The following CSGALNACT1 variants were observed in gnomAD, a reference collection of about 807,000 sequenced individuals.
CSGALNACT1 encodes chondroitin sulfate N-acetylgalactosaminyltransferase 1, also known as beta4GalNAcT-1.
CSGALNACT1 carries 52 observed loss-of-function variants against 51.0 expected under a neutral mutation model. The ratio of observed to expected loss-of-function variants is 1.02; its 90% CI spans 0.82 to 1.29. CSGALNACT1 has a LOEUF of 1.29. Among genes scored for constraint, CSGALNACT1 ranks in the 50% most tolerant of loss-of-function variants. The probability of loss-of-function intolerance (pLI) is 0.00; values close to 1 mark genes in which losing one functional copy is unlikely to be tolerated. For missense variants in CSGALNACT1, 935 were observed against 679.2 expected (o/e 1.38, Z -4.19); for synonymous variants, 341 against 254.4 (o/e 1.34, Z -3.24).
chr8:19,715,607 T>C (rs2062760201), intron 1 of CSGALNACT1, among the ~76,000 whole-genome samples: 1 of 152,250 alleles, frequency 6.6e-6, no homozygotes, highest in South Asian at 2.1e-4. Context: ...CATGTGTCTC[T>C]ATAATAGAAC....
At chr8:19,457,298 C>T (rs2064310293) in intron 5 of CSGALNACT1, among the ~76,000 whole-genome samples, 1 of 152,192 alleles carries the variant, frequency 6.6e-6, no homozygotes, top group African/African-American at 2.4e-5. Context: ...TTATGCCTTT[C>T]AATAATGTAA....
intron 6 of CSGALNACT1, among the ~76,000 whole-genome samples, chr8:19,428,001 C>T (rs1354910797): frequency 6.6e-6 from 1 of 152,100 alleles, no homozygotes; most frequent in African/African-American, 2.4e-5. Flanking sequence ...TGGGCAGAGG[C>T]TCAAGGTTGC....
At chr8:19,464,266 C>G (rs1348080542) in intron 4 of CSGALNACT1, among the ~76,000 whole-genome samples, 1 of 152,178 alleles carries the variant, frequency 6.6e-6, no homozygotes, top group Non-Finnish European at 1.5e-5. Flanking sequence ...AACCCACATC[C>G]TGGCCTCTGG....
chr8:19,748,818 A>C (rs1279455222), intron 1 of CSGALNACT1, among the ~76,000 whole-genome samples: 1 of 152,084 alleles, frequency 6.6e-6, no homozygotes, highest in Non-Finnish European at 1.5e-5. Context: ...TACAAAAATT[A>C]GCCGGGTGTG....
intron 4 of CSGALNACT1, among the ~76,000 whole-genome samples, chr8:19,483,062 C>T (rs562481270): frequency 6.6e-6 from 1 of 152,130 alleles, no homozygotes; most frequent in African/African-American, 2.4e-5. Context: ...GATCAATTAC[C>T]AAGCCCCATG....
intron 6 of CSGALNACT1, among the ~76,000 whole-genome samples, chr8:19,437,321 C>T (rs766277433): frequency 2.0e-5 from 3 of 152,154 alleles, no homozygotes; most frequent in African/African-American, 4.8e-5. Flanking sequence ...AGATCAAATT[C>T]TGCTCCCAGT....
At chr8:19,464,225 T>C (rs1160252330) in intron 4 of CSGALNACT1, among the ~76,000 whole-genome samples, 4 of 152,056 alleles carry the variant, frequency 2.6e-5, no homozygotes, top group Non-Finnish European at 5.9e-5. Context: ...GGAGCCAAGG[T>C]CTCCCAGCTG....
chr8:19,471,000 G>T (rs2068016741), intron 4 of CSGALNACT1, among the ~76,000 whole-genome samples: 1 of 152,024 alleles, frequency 6.6e-6, no homozygotes, highest in Admixed American at 6.6e-5. Flanking sequence ...GGAGGCTGAG[G>T]CACGAGAGTC....
At chr8:19,559,885 A>C (rs1395368371) in intron 3 of CSGALNACT1, among the ~76,000 whole-genome samples, 12 of 152,218 alleles carry the variant, frequency 7.9e-5, no homozygotes, top group African/African-American at 2.9e-4. Context: ...GTGGTGTGGA[A>C]CTTGACTAAG....
At chr8:19,589,512 G>C (rs934116113) in intron 3 of CSGALNACT1, among the ~76,000 whole-genome samples, 6 of 152,148 alleles carry the variant, frequency 3.9e-5, no homozygotes, top group Non-Finnish European at 7.3e-5. Flanking sequence ...TTTTAGTAGA[G>C]ATGGAGTTTA....
intron 2 of CSGALNACT1, among the ~76,000 whole-genome samples, chr8:19,599,573 GA>G (rs1195361871): frequency 6.6e-6 from 1 of 151,394 alleles, no homozygotes; most frequent in Non-Finnish European, 1.5e-5. Flanking sequence ...AAGAAAGAAA[GA>G]GAGAGAAAGG....
intron 3 of CSGALNACT1, among the ~76,000 whole-genome samples, chr8:19,566,141 C>T (rs899619840): frequency 2.0e-5 from 3 of 152,154 alleles, no homozygotes; most frequent in African/African-American, 7.2e-5. Context: ...TAATAGAGTT[C>T]ATTACCTTGA....
intron 6 of CSGALNACT1, among the ~76,000 whole-genome samples, chr8:19,436,888 G>A (rs370999898): frequency 2.2e-4 from 33 of 152,302 alleles, no homozygotes; most frequent in African/African-American, 7.9e-4. Context: ...TCTAGTCTGG[G>A]CGACAGAGCA....
At chr8:19,435,491 CAA>C (rs35102795) in intron 6 of CSGALNACT1, among the ~76,000 whole-genome samples, 20 of 138,298 alleles carry the variant, frequency 1.4e-4, no homozygotes, top group South Asian at 2.4e-4. Flanking sequence ...GACTCTGAAT[CAA>C]AAAAAAAAAA....
At chr8:19,472,930 T>C (rs1460373876) in intron 4 of CSGALNACT1, among the ~76,000 whole-genome samples, 12 of 152,242 alleles carry the variant, frequency 7.9e-5, no homozygotes, top group Admixed American at 7.8e-4. Context: ...GCCTGATACA[T>C]AGGAAGTACT....
At chr8:19,539,142 T>C (rs975925191) in intron 3 of CSGALNACT1, among the ~76,000 whole-genome samples, 5 of 152,238 alleles carry the variant, frequency 3.3e-5, no homozygotes, top group Admixed American at 6.5e-5. Flanking sequence ...ATGATTACTA[T>C]AGTCAAGCAA....
At chr8:19,682,765 T>C (rs2060720909), upstream of CSGALNACT1, 1 of 453,988 alleles carries the variant, frequency 2.2e-6, no homozygotes, top group Non-Finnish European at 4.4e-6. Flanking sequence ...CAAGCCCGTC[T>C]GCCCAAGTTT....
chr8:19,606,392 A>T (rs890342270), upstream of CSGALNACT1, among the ~76,000 whole-genome samples: 21 of 152,212 alleles, frequency 1.4e-4, no homozygotes, highest in African/African-American at 5.1e-4. Flanking sequence ...TAAAATTATC[A>T]TCTTTCTCAA....
chr8:19,638,899 T>A (rs1589202030), intron 1 of CSGALNACT1, among the ~76,000 whole-genome samples: 2 of 152,150 alleles, frequency 1.3e-5, no homozygotes, highest in East Asian at 3.8e-4. Context: ...CACATCAAAG[T>A]TACAACTTCC....
Sources: allele counts gnomAD v4.1 joint callset (sites outside exome capture counted in the v4.1 genomes callset), GRCh38; gene constraint gnomAD v4.1.1; transcripts MANE v1.5; gene names NCBI Gene and HGNC (gene_info 2026-07-23, HGNC 2026-07-21).